EFCAB13: variants seen among roughly 807,000 people sequenced by gnomAD.
The protein encoded by EFCAB13 is EF-hand calcium-binding domain-containing protein 13.
In EFCAB13, 91 loss-of-function variants were observed where a neutral mutation model predicts 110.2. The observed-to-expected ratio is 0.83, with a 90% CI of 0.70 to 0.98. The LOEUF is 0.98. EFCAB13 is among the 50% of genes least tolerant of loss of function. The pLI is 0.00. For missense variants in EFCAB13, 968 were observed against 1,119.4 expected (o/e 0.86, Z 1.93); for synonymous variants, 323 against 369.9 (o/e 0.87, Z 1.45).
intron 23 of EFCAB13, among the ~76,000 whole-genome samples, chr17:47,416,622 GC>G (rs1904456710): frequency 6.6e-6 from 1 of 151,706 alleles, no homozygotes; most frequent in Non-Finnish European, 1.5e-5. Context: ...TTCAATTGTT[GC>G]CATCTTTCTG....
At chr17:47,429,767 A>G (rs757535925) in intron 23 of EFCAB13, 51 bp from the exon 24 acceptor site, 4 of 1,526,594 alleles carry the variant, frequency 2.6e-6, no homozygotes, top group Non-Finnish European at 3.5e-6. Context: ...AACTAATAAC[A>G]TATGCTCTAT....
intron 24 of EFCAB13, 57 bp downstream of exon 24, chr17:47,430,018 A>AGGTCTATGG: frequency 2.6e-6 from 4 of 1,514,300 alleles, no homozygotes; most frequent in Non-Finnish European, 3.6e-6. Context: ...CAGGGGTGGA[A>AGGTCTATGG]GGTCTATGGG....
At chr17:47,381,757 G>A (rs1341024732) in intron 14 of EFCAB13, among the ~76,000 whole-genome samples, 1 of 152,080 alleles carries the variant, frequency 6.6e-6, no homozygotes, top group African/African-American at 2.4e-5. Context: ...TTTGATTACT[G>A]TAGCCTTTTA....
intron 15 of EFCAB13, 46 bp downstream of exon 15, chr17:47,391,626 G>T: frequency 6.8e-7 from 1 of 1,474,008 alleles, no homozygotes; most frequent in Non-Finnish European, 9.0e-7. Context: ...CATCTGGAAG[G>T]AGGGTCAATT....
In EFCAB13 at chr17:47,404,110, T is replaced by C. The variant is rs937527100; in HGVS notation, c.2161+89T>C. On this transcript the variant is annotated intron_variant, in intron 19 of 24. Transcript: ENST00000331493. ...CTATAGGTATTTGCTTATGTTACTA[T>C]AAATGTAATCTTTGAAACGGAGCCT... The C allele has an allele frequency of 9.6e-6, 10 of 1,041,304 alleles. No individual in the cohort carries two copies. The Admixed American group carries it at 2.8e-4, about 29-fold the overall frequency. 64.5% of individuals were successfully genotyped at this position (1,041,304 alleles called of 1,614,324 possible).
At chr17:47,424,058 CG>C (rs1325632872) in intron 23 of EFCAB13, among the ~76,000 whole-genome samples, 9 of 152,160 alleles carry the variant, frequency 5.9e-5, no homozygotes, top group Non-Finnish European at 1.0e-4. Context: ...GGTGCGCGCT[CG>C]GGGTCCCCTT....
intron 14 of EFCAB13, among the ~76,000 whole-genome samples, chr17:47,390,917 TATC>T (rs1447311160): frequency 4.7e-4 from 61 of 130,438 alleles, no homozygotes; most frequent in Admixed American, 1.9e-3. Context: ...TCTGTCTGTC[TATC>T]TATCTATCTG....
intron 9 of EFCAB13, among the ~76,000 whole-genome samples, chr17:47,358,256 C>T (rs1475791561): frequency 1.3e-5 from 2 of 151,970 alleles, no homozygotes; most frequent in African/African-American, 2.4e-5. Context: ...AGCAAAGGAC[C>T]TAGGTCTCAT....
chr17:47,346,432 T>TTCCC (rs1430949131), intron 8 of EFCAB13, among the ~76,000 whole-genome samples: 2 of 30,204 alleles, frequency 6.6e-5, no homozygotes, highest in African/African-American at 1.9e-4. Context: ...TAACGTACTT[T>TTCCC]ACCCCCCCCC....
At chr17:47,325,812 T>C (rs1301120235) in intron 2 of EFCAB13, among the ~76,000 whole-genome samples, 1 of 151,016 alleles carries the variant, frequency 6.6e-6, no homozygotes, top group African/African-American at 2.4e-5. Flanking sequence ...ACTTTTTTTT[T>C]TGTACTTATT....
intron 24 of EFCAB13, among the ~76,000 whole-genome samples, chr17:47,439,025 G>A (rs1179132629): frequency 6.6e-6 from 1 of 151,820 alleles, no homozygotes; most frequent in Non-Finnish European, 1.5e-5. Flanking sequence ...TCAGCTCTCT[G>A]ACTTGTTCTT....
At chr17:47,396,096 C>T in intron 17 of EFCAB13, 119 bp downstream of exon 17, 1 of 727,184 alleles carries the variant, frequency 1.4e-6, no homozygotes, top group Non-Finnish European at 2.1e-6. Flanking sequence ...GATTGAAATG[C>T]CAACATATGC....
intron 23 of EFCAB13, among the ~76,000 whole-genome samples, chr17:47,422,756 A>C (rs917155613): frequency 1.7e-4 from 26 of 152,242 alleles, no homozygotes; most frequent in African/African-American, 6.3e-4. Flanking sequence ...AAACCTAAAT[A>C]AATGGAGAGA....
chr17:47,419,559 C>T (rs1904560893), intron 23 of EFCAB13, among the ~76,000 whole-genome samples: 1 of 152,134 alleles, frequency 6.6e-6, no homozygotes, highest in African/African-American at 2.4e-5. Flanking sequence ...GCCAGTGTGA[C>T]AGAGTGAGAT....
intron 11 of EFCAB13, among the ~76,000 whole-genome samples, chr17:47,371,352 G>T (rs771841465): frequency 7.9e-5 from 12 of 152,028 alleles, no homozygotes; most frequent in Middle Eastern, 6.8e-3. Context: ...CAGTTTTTTA[G>T]TTTCAGGTCT....
At chr17:47,407,472 C>T (rs945564589) in intron 20 of EFCAB13, among the ~76,000 whole-genome samples, 4 of 151,618 alleles carry the variant, frequency 2.6e-5, no homozygotes, top group Admixed American at 6.6e-5. Flanking sequence ...TTGTTATGCT[C>T]AAAAGACTTA....
chr17:47,423,655 C>A (rs1449393125), intron 23 of EFCAB13: 3 of 400,396 alleles, frequency 7.5e-6, no homozygotes. Context: ...CAGGTAGGTG[C>A]GGGCGGCGCG....
At position 47,412,767 on chromosome 17, in the gene EFCAB13, T is replaced by A. The variant is rs967634736; in HGVS notation, c.2279-6T>A. The stretch of plus-strand genomic sequence containing the variant: ...CATAATAGCTTGTGTACATTTATCT[T>A]TGTAGAGATTAAAGAAGCTGCTAAC... On this transcript the variant is annotated splice_polypyrimidine_tract_variant and splice_region_variant and intron_variant, in intron 21 of 24. Coordinates refer to ENST00000331493, the MANE Select transcript of EFCAB13 (RefSeq NM_152347.5). The A allele has an allele frequency of 6.2e-7, 1 of 1,612,082 alleles. No individual in the cohort carries two copies. Among genetic ancestry groups the A allele is most frequent in the Non-Finnish European group, 8.5e-7 (1 of 1,179,200 alleles).
intron 16 of EFCAB13, among the ~76,000 whole-genome samples, chr17:47,395,082 CT>C (rs1240042939): frequency 3.3e-5 from 5 of 152,022 alleles, no homozygotes; most frequent in African/African-American, 1.2e-4. Flanking sequence ...ACTTTTCTTC[CT>C]TATTTAGTTT....
Sources: gnomAD v4.1 joint callset for allele counts (sites outside exome capture counted in the v4.1 genomes callset) on GRCh38, gnomAD v4.1.1 for gene constraint, MANE v1.5 for transcripts, NCBI Gene and HGNC (gene_info 2026-07-23, HGNC 2026-07-21) for gene names.